Variants in MYT1L observed in about 807,000 individuals in gnomAD.
MYT1L encodes myelin transcription factor 1-like protein.
In MYT1L, 12 loss-of-function variants were observed where a neutral mutation model predicts 126.7. The observed-to-expected ratio is 0.09, with a 90% CI of 0.06 to 0.15. The LOEUF is 0.15. MYT1L is among the 10% of genes least tolerant of loss of function. The probability of loss-of-function intolerance (pLI) is 1.00; values close to 1 mark genes in which losing one functional copy is unlikely to be tolerated. For missense variants in MYT1L, 979 were observed against 1,585.2 expected (o/e 0.62, Z 6.49); for synonymous variants, 541 against 604.2 (o/e 0.90, Z 1.53).
intron 21 of MYT1L, among the ~76,000 whole-genome samples, chr2:1,813,654 C>A (rs1426761741): frequency 2.0e-5 from 3 of 152,054 alleles, no homozygotes; most frequent in African/African-American, 4.8e-5. Context: ...GTCCGGGCTG[C>A]GGGCTCCTTA....
chr2:1,873,583 G>A (rs2046512740), intron 18 of MYT1L, among the ~76,000 whole-genome samples: 1 of 152,104 alleles, frequency 6.6e-6, no homozygotes, highest in Non-Finnish European at 1.5e-5. Flanking sequence ...TGAGATTTTT[G>A]CTTCAATTAA....
chr2:1,973,089 G>A (rs1426828216), intron 8 of MYT1L, among the ~76,000 whole-genome samples: 1 of 152,160 alleles, frequency 6.6e-6, no homozygotes, highest in Admixed American at 6.5e-5. Context: ...TAAATTCAGA[G>A]GGATCACAAA....
intron 2 of MYT1L, among the ~76,000 whole-genome samples, chr2:2,253,231 T>C (rs2094704128): frequency 6.6e-6 from 1 of 152,210 alleles, no homozygotes; most frequent in South Asian, 2.1e-4. Context: ...TGGTCTCCAT[T>C]CCAGCTGCAG....
At chr2:1,884,561 T>C (rs756412158) in intron 18 of MYT1L, among the ~76,000 whole-genome samples, 3 of 152,184 alleles carry the variant, frequency 2.0e-5, no homozygotes, top group Non-Finnish European at 4.4e-5. Context: ...CATTGAAACA[T>C]TAGTGTTTTT....
rs533781931 is a variant in MYT1L, at chr2:2,191,294, G to A, written c.-420-18306C>T. On this transcript the variant is annotated intron_variant, in intron 2 of 24. Coordinates refer to ENST00000647738, the MANE Select transcript of MYT1L (RefSeq NM_001303052.2). The stretch of plus-strand genomic sequence containing the variant: ...AGGGCCAATGGCAAAGAGCCAGGTC[G>A]CAGGAGAGGATAACACTGGCAGGTC... Among the ~76,000 whole-genome samples, 20 of 152,320 alleles carry A rather than the reference G, an allele frequency of 1.3e-4. No individual in the cohort carries two copies. In the East Asian group the frequency reaches 1.4e-3, roughly 10 times the overall value.
intron 3 of MYT1L, among the ~76,000 whole-genome samples, chr2:2,140,724 C>T (rs192280485): frequency 3.3e-5 from 5 of 152,176 alleles, no homozygotes; most frequent in Admixed American, 3.3e-4. Context: ...TGAGACACCA[C>T]GCCCGGCCTA....
At chr2:2,270,881 T>A (rs2095250113) in intron 2 of MYT1L, among the ~76,000 whole-genome samples, 1 of 151,978 alleles carries the variant, frequency 6.6e-6, no homozygotes, top group South Asian at 2.1e-4. Context: ...CCTTCCTCTT[T>A]AAAAATCGGC....
chr2:1,929,864 G>A lies in MYT1L; in HGVS notation c.506-6601C>T, dbSNP rs148062614. On this transcript the variant is annotated intron_variant, in intron 9 of 24. Transcript: ENST00000647738. This position sits in a 1 kb window ranked among gnomAD's most constrained non-coding sequence, Gnocchi z 4.7. ...CTTCCACAGGGACGAGTCTAGAATT[G>A]CCATCTTGGTTTTGCTACATCTCAA... 9.1e-3 allele frequency among the ~76,000 whole-genome samples: 1,379 copies of A among 152,314 alleles called. 11 individuals are homozygous for A. The highest frequency in any genetic ancestry group is 0.016 in the Non-Finnish European group (1,099 of 68,036).
intron 3 of MYT1L, among the ~76,000 whole-genome samples, chr2:2,129,711 C>A (rs2082124458): frequency 6.6e-6 from 1 of 152,144 alleles, no homozygotes; most frequent in African/African-American, 2.4e-5. Context: ...TCGAGACCAT[C>A]CTGGCTAACA....
At chr2:2,115,216 A>G (rs939039199) in intron 3 of MYT1L, among the ~76,000 whole-genome samples, 9 of 152,224 alleles carry the variant, frequency 5.9e-5, no homozygotes, top group African/African-American at 1.9e-4. Context: ...AAAATACAGT[A>G]AAGTGTGTTC....
chr2:2,107,089 T>G (rs1202702589), intron 3 of MYT1L, among the ~76,000 whole-genome samples: 1 of 152,178 alleles, frequency 6.6e-6, no homozygotes, highest in Non-Finnish European at 1.5e-5. Flanking sequence ...TATTGTACAA[T>G]GCTTACAGAA....
intron 3 of MYT1L, among the ~76,000 whole-genome samples, chr2:2,117,364 C>T (rs918786143): frequency 4.0e-4 from 61 of 152,154 alleles, no homozygotes; most frequent in African/African-American, 1.3e-3. Flanking sequence ...CTGTGGACTC[C>T]GTCTGCATGT....
At chr2:2,016,230 A>C (rs1007580128) in intron 4 of MYT1L, among the ~76,000 whole-genome samples, 1 of 152,208 alleles carries the variant, frequency 6.6e-6, no homozygotes, top group African/African-American at 2.4e-5. Flanking sequence ...GGGATGGCAA[A>C]CAAATGCACA....
chr2:2,330,373 T>C (rs1433105749), intron 1 of MYT1L, among the ~76,000 whole-genome samples: 1 of 152,204 alleles, frequency 6.6e-6, no homozygotes, highest in Non-Finnish European at 1.5e-5. Context: ...TTCAGATCTA[T>C]CTTAAAACTA....
At chr2:1,850,334 A>G (rs2043107019) in intron 19 of MYT1L, among the ~76,000 whole-genome samples, 2 of 151,752 alleles carry the variant, frequency 1.3e-5, no homozygotes, top group Non-Finnish European at 2.9e-5. Context: ...TGCGTACTTT[A>G]TAAGCTAAAA....
Position 1,910,411 on chromosome 2 carries a change from C to T in MYT1L, c.1710-64G>A. On this transcript the variant is annotated intron_variant, in intron 12 of 24. Coordinates refer to ENST00000647738, the MANE Select transcript of MYT1L (RefSeq NM_001303052.2). The surrounding 1 kb of genome is among the most constrained non-coding windows in gnomAD (Gnocchi z 4.8). ...AACACCTTCACAGCACACTAATCCT[C>T]CCTTAGCACCAAGACCCTGATGCAG... 3.5e-6 allele frequency: 5 copies of T among 1,432,564 alleles called. No individual in the cohort carries two copies. The highest frequency in any genetic ancestry group is 3.9e-6 in the Non-Finnish European group (4 of 1,031,332). The allele number at this position is 1,432,564 out of a possible 1,614,324, so 88.7% of individuals were successfully genotyped here.
rs1426031127 is a variant in MYT1L at position 1,792,543 on chromosome 2, A to G, written c.3277-79T>C. 6 of 1,470,118 alleles carry G rather than the reference A, an allele frequency of 4.1e-6. No individual in the cohort carries two copies. In the African/African-American group the frequency reaches 4.2e-5, roughly 10 times the overall value. The allele number at this position is 1,470,118 out of a possible 1,614,324, so 91.1% of individuals were successfully genotyped here. On this transcript the variant is annotated intron_variant, in intron 23 of 24. Transcript: ENST00000647738. The stretch of plus-strand genomic sequence containing the variant: ...TGGTCGTTGCCGGGGGCCACAGTCT[A>G]CTGGGTGCGAAGAAGGGGCCTCTCG...
At chr2:2,127,932 T>TATC (rs1265221732) in intron 3 of MYT1L, among the ~76,000 whole-genome samples, 1 of 152,240 alleles carries the variant, frequency 6.6e-6, no homozygotes, top group Admixed American at 6.5e-5. Flanking sequence ...TCACTGATCC[T>TATC]ATCTTAGTCT....
At chr2:2,210,440 G>T (rs2093466008) in intron 2 of MYT1L, among the ~76,000 whole-genome samples, 1 of 152,024 alleles carries the variant, frequency 6.6e-6, no homozygotes, top group Non-Finnish European at 1.5e-5. Context: ...AAGAGATAAG[G>T]GTCAAGTTTG....
Sources: gnomAD v4.1 joint callset for allele counts (sites outside exome capture counted in the v4.1 genomes callset) on GRCh38, gnomAD v4.1.1 for gene constraint, Gnocchi (gnomAD v3.1) non-coding constraint, MANE v1.5 for transcripts, NCBI Gene and HGNC (gene_info 2026-07-23, HGNC 2026-07-21) for gene names.